GTF2IRD1: variants seen among roughly 807,000 people sequenced by gnomAD.
GTF2IRD1 encodes general transcription factor II-I repeat domain-containing protein 1.
In GTF2IRD1, 26 loss-of-function variants were observed where a neutral mutation model predicts 113.2. The ratio of observed to expected loss-of-function variants is 0.23; its 90% confidence interval spans 0.17 to 0.32. GTF2IRD1 has a LOEUF of 0.32. Ranked by LOEUF, GTF2IRD1 falls within the 10% of genes least tolerant of loss-of-function variation. The pLI is 1.00. For missense variants in GTF2IRD1, 864 were observed against 1,280.8 expected, an observed-to-expected ratio of 0.67 and a Z score of 4.97; for synonymous variants, 484 against 529.1, an observed-to-expected ratio of 0.91 and a Z score of 1.17.
chr7:74,545,855 C>G (rs781785619), intron 16 of GTF2IRD1, 46 bp downstream of exon 16: 1 of 1,411,604 alleles, frequency 7.1e-7, no homozygotes, highest in African/African-American at 1.4e-5. Flanking sequence ...CGGCCCCCCT[C>G]CAGCCGCCCT....
At chr7:74,588,832 T>C (rs1242925338) in intron 22 of GTF2IRD1, among the ~76,000 whole-genome samples, 1 of 152,110 alleles carries the variant, frequency 6.6e-6, no homozygotes, top group African/African-American at 2.4e-5. Flanking sequence ...ATGTCAGGCC[T>C]TGAGAGCCCA....
chr7:74,513,594 C>T (rs1554343688), intron 3 of GTF2IRD1, among the ~76,000 whole-genome samples: 1 of 152,182 alleles, frequency 6.6e-6, no homozygotes, highest in Non-Finnish European at 1.5e-5. Context: ...TGTGAGCCGC[C>T]ATGCCTGGCC....
intron 24 of GTF2IRD1, among the ~76,000 whole-genome samples, chr7:74,593,804 TA>T (rs1554370971): frequency 2.0e-5 from 3 of 150,944 alleles, no homozygotes; most frequent in Non-Finnish European, 4.4e-5. Context: ...CTCAGGAGGC[TA>T]AGACAGGAGA....
intron 1 of GTF2IRD1, among the ~76,000 whole-genome samples, chr7:74,488,058 A>G (rs145075562): frequency 6.6e-6 from 1 of 152,292 alleles, no homozygotes; most frequent in East Asian, 1.9e-4. Context: ...AGGTGAGAAG[A>G]TCACTTGAGG....
At chr7:74,460,892 G>A (rs1413247836) in intron 1 of GTF2IRD1, among the ~76,000 whole-genome samples, 2 of 152,140 alleles carry the variant, frequency 1.3e-5, no homozygotes, top group African/African-American at 2.4e-5. Context: ...CAGCACGGAG[G>A]CTGCTGGGAA....
chr7:74,586,119 C>T (rs1554367668), intron 22 of GTF2IRD1, among the ~76,000 whole-genome samples: 4 of 152,192 alleles, frequency 2.6e-5, no homozygotes, highest in African/African-American at 9.6e-5. Flanking sequence ...GCCATCCTTT[C>T]TCTGTTCTGT....
Position 74,518,320 on chromosome 7 carries a change from G to T in GTF2IRD1, c.603G>T (p.Lys201Asn). The change falls in exon 5 of 27, where the codon AAG becomes AAT. Residue 201 changes from lysine (K) to asparagine (N), a missense_variant and splice_region_variant. Lys to Asn is a moderately conservative substitution (Grantham distance 94, BLOSUM62 0). Around this residue, in one of 7 missense-constraint regions of GTF2IRD1, gnomAD observed 195 missense variants for 196.6 expected, o/e 0.99. Coordinates refer to ENST00000424337, the MANE Select transcript of GTF2IRD1 (RefSeq NM_005685.4). The stretch of plus-strand genomic sequence containing the variant: ...GCCACCGCATCCGCTTCAAGCTCAA[G>T]AGGTGAGTGAGGTAGCCGGCCCGGG... ...EHSHRIRFKL[K>N]RPLEDGGRDS... 6.3e-7 allele frequency: 1 copy of T among 1,581,368 alleles called. No homozygotes were observed.
chr7:74,525,577 C>T (rs193285992), intron 8 of GTF2IRD1, among the ~76,000 whole-genome samples: 2 of 152,148 alleles, frequency 1.3e-5, no homozygotes, highest in Admixed American at 1.3e-4. Context: ...CATGGTGAAA[C>T]CCCGTCTCTA....
Position 74,512,964 on chromosome 7 carries a change from G to C in GTF2IRD1, c.258G>C (p.Arg86Ser). ...AGGAGCTACAGTCAGACTTCCTCAG[G>C]TTCTGCCGTGAGTACCCCAGGGCTC... Reference protein sequence around the residue: ...ARKELQSDFLRFCRGPPWKDP... With the variant: ...ARKELQSDFLSFCRGPPWKDP... The change falls in exon 3 of 27, where the codon AGG becomes AGC. Residue 86 changes from arginine to serine, a missense_variant. Around this residue, in one of 7 missense-constraint regions of GTF2IRD1, gnomAD observed 182 missense variants for 266.6 expected, o/e 0.68. Transcript: ENST00000424337. This position sits in a 1 kb window ranked among gnomAD's most constrained non-coding sequence, Gnocchi z 4.4. The C allele has an allele frequency of 6.2e-7, 1 of 1,613,808 alleles. No homozygotes were observed. Among genetic ancestry groups the C allele is most frequent in the Non-Finnish European group, 8.5e-7 (1 of 1,179,940 alleles).
At chr7:74,569,786 G>A (rs1250945359) in intron 22 of GTF2IRD1, among the ~76,000 whole-genome samples, 6 of 152,126 alleles carry the variant, frequency 3.9e-5, no homozygotes, top group African/African-American at 4.8e-5. Flanking sequence ...TGAAGAGGGC[G>A]GAAGGTTCCG....
intron 1 of GTF2IRD1, among the ~76,000 whole-genome samples, chr7:74,495,231 G>A (rs1430054342): frequency 6.6e-6 from 1 of 152,180 alleles, no homozygotes; most frequent in Non-Finnish European, 1.5e-5. Flanking sequence ...TGGGAAGGGC[G>A]GGACAGGGCC....
rs782593299 is a variant in GTF2IRD1, at chr7:74,544,732, C to T, written c.1619-23C>T. ...TTAGGAGATGATGAATGTGGCTTCC[C>T]GGCATCCTCTGTTCTCTTTTAGACA... On this transcript the variant is annotated intron_variant, in intron 14 of 26. Transcript: ENST00000424337. 47 of 1,612,130 alleles carry T rather than the reference C, an allele frequency of 2.9e-5. No homozygotes were observed. The Middle Eastern group carries it at 7.2e-4, about 25-fold the overall frequency.
chr7:74,472,739 C>T (rs909426921), intron 1 of GTF2IRD1, among the ~76,000 whole-genome samples: 3 of 152,134 alleles, frequency 2.0e-5, no homozygotes, highest in Non-Finnish European at 4.4e-5. Context: ...GCAACAAGAG[C>T]GAAACTCTGC....
chr7:74,570,726 A>G (rs192606471), intron 22 of GTF2IRD1, among the ~76,000 whole-genome samples: 56 of 152,154 alleles, frequency 3.7e-4, no homozygotes, highest in Admixed American at 1.3e-3. Flanking sequence ...AAGGTAGTGA[A>G]CTCCCCGTCA....
At position 74,529,799 on chromosome 7, in the gene GTF2IRD1, G is replaced by T. The variant is rs782772464; in HGVS notation, c.1156G>T (p.Ala386Ser). The part of the protein sequence containing the change: ...PYRKIACDPE[A>S]VEIVGIPDKI... ...CCGGAAGATTGCCTGTGACCCGGAG[G>T]CTGTGGAGATCGTGGGCATCCCGGA... The change falls in exon 9 of 27, where the codon GCT becomes TCT. Residue 386 changes from alanine to serine, a missense_variant. Transcript: ENST00000424337. 2 of 1,614,082 alleles carry T rather than the reference G, an allele frequency of 1.2e-6. No individual in the cohort carries two copies. The highest frequency in any genetic ancestry group is 3.3e-5 in the Admixed American group (2 of 60,022).
chr7:74,559,094 G>A (rs1489211466), intron 21 of GTF2IRD1, 50 bp downstream of exon 21: 5 of 1,523,676 alleles, frequency 3.3e-6, no homozygotes, highest in African/African-American at 1.4e-5. Context: ...GCTCAGATGG[G>A]AGCTTGCACC....
At chr7:74,557,848 G>T (rs1554357661) in intron 20 of GTF2IRD1, 126 bp downstream of exon 20, 2 of 629,094 alleles carry the variant, frequency 3.2e-6, no homozygotes, top group Non-Finnish European at 5.7e-6. Flanking sequence ...TATTTCTTGA[G>T]CATATACTAC....
intron 1 of GTF2IRD1, among the ~76,000 whole-genome samples, chr7:74,477,099 C>T (rs1370164415): frequency 7.9e-5 from 12 of 151,958 alleles, no homozygotes; most frequent in South Asian, 4.2e-4. Context: ...CGTGGTGGAT[C>T]GCGCCTGTAA....
intron 22 of GTF2IRD1, among the ~76,000 whole-genome samples, chr7:74,564,748 AAGAG>A (rs111577999): frequency 0.26 from 38,706 of 151,166 alleles, 5,111 homozygotes; most frequent in African/African-American, 0.33. Context: ...GTCTCTAAAA[AAGAG>A]AGAGAGAGAG....
Sources: gnomAD v4.1 joint callset for allele counts (sites outside exome capture counted in the v4.1 genomes callset) on GRCh38, gnomAD v4.1.1 for gene constraint, gnomAD v4.1.1 regional missense constraint, Gnocchi (gnomAD v3.1) non-coding constraint, MANE v1.5 for transcripts, NCBI Gene and HGNC (gene_info 2026-07-23, HGNC 2026-07-21) for gene names.